TRIM44: variants seen among roughly 807,000 people sequenced by gnomAD.
TRIM44 encodes the protein tripartite motif containing 44.
Under a neutral mutation model 37.4 loss-of-function variants are expected in TRIM44, and 13 were observed. The observed-to-expected ratio is 0.35, with a 90% CI of 0.23 to 0.55. The LOEUF is 0.55. TRIM44 is among the 20% of genes least tolerant of loss of function. The probability of loss-of-function intolerance (pLI) is 0.89; values close to 1 mark genes in which losing one functional copy is unlikely to be tolerated. For missense variants in TRIM44, 426 were observed against 437.2 expected (o/e 0.97, Z 0.23); for synonymous variants, 175 against 157.2 (o/e 1.11, Z -0.85).
intron 2 of TRIM44, among the ~76,000 whole-genome samples, chr11:35,694,551 A>G (rs1460937564): frequency 6.6e-6 from 1 of 152,136 alleles, no homozygotes; most frequent in South Asian, 2.1e-4. Context: ...CCCCCTTTTC[A>G]TTTGTTTTGT....
chr11:35,770,818 C>A lies in TRIM44; in HGVS notation c.1007+35373C>A, dbSNP rs534079979. ...TGGGGGCAGTTTCCCCCATACTGTT[C>A]TTGTGGTAGCGAATAAGTCTCACGA... On this transcript the variant is annotated intron_variant, in intron 4 of 4. Coordinates refer to ENST00000299413, the MANE Select transcript of TRIM44 (RefSeq NM_017583.6). Among the ~76,000 whole-genome samples the A allele has an allele frequency of 3.3e-5, 5 of 152,244 alleles. No homozygotes were observed. In the East Asian group the frequency reaches 9.6e-4, roughly 29 times the overall value.
Position 35,663,246 on chromosome 11 carries a change from C to T in TRIM44, c.135C>T (p.Ala45=), listed in dbSNP as rs372673821. The change falls in exon 1 of 5, where the codon GCC becomes GCT. Residue 45 remains alanine (A), a synonymous_variant. Coordinates refer to ENST00000299413, the MANE Select transcript of TRIM44 (RefSeq NM_017583.6). ...GCTTCTGCTACTGCCGCCGCCATGC[C>T]GAGGCGCACAGGCAGAAGTTCCTCA... is the stretch of plus-strand genomic sequence containing the variant. The part of the protein sequence containing the change: ...ECGFCYCRRH[A]EAHRQKFLSH... 11 of 1,609,246 alleles carry T rather than the reference C, an allele frequency of 6.8e-6. No individual in the cohort carries two copies. Among genetic ancestry groups the T allele is most frequent in the Admixed American group, 3.3e-5 (2 of 59,826 alleles).
At chr11:35,673,108 T>A (rs908388438) in intron 1 of TRIM44, among the ~76,000 whole-genome samples, 1 of 152,250 alleles carries the variant, frequency 6.6e-6, no homozygotes, top group Non-Finnish European at 1.5e-5. Context: ...TGGAATTCAC[T>A]CTCTACAGTG....
intron 2 of TRIM44, among the ~76,000 whole-genome samples, chr11:35,694,864 T>C (rs1036984704): frequency 3.9e-5 from 6 of 152,034 alleles, no homozygotes; most frequent in Non-Finnish European, 5.9e-5. Context: ...GGGTTCTAGA[T>C]TGTGAAGGGG....
At position 35,663,354 on chromosome 11, in the gene TRIM44, G is replaced by A. The variant is rs1183606422; in HGVS notation, c.243G>A (p.Ala81=). ...ADGEGAGKEE[A]EVKVEQEREI... ...GAGAGGGGGCGGGGAAGGAAGAAGC[G>A]GAGGTCAAGGTGGAGCAGGAGAGGG... The change falls in exon 1 of 5, where the codon GCG becomes GCA. Residue 81 remains alanine, a synonymous_variant. Transcript: ENST00000299413. 7 of 1,613,622 alleles carry A rather than the reference G, an allele frequency of 4.3e-6. No homozygotes were observed. Among genetic ancestry groups the A allele is most frequent in the African/African-American group, 1.3e-5 (1 of 74,900 alleles).
chr11:35,711,265 A>C (rs565602404), intron 2 of TRIM44, among the ~76,000 whole-genome samples: 6 of 152,328 alleles, frequency 3.9e-5, no homozygotes, highest in Admixed American at 3.9e-4. Context: ...TCAACCATTC[A>C]CTTGAAGTGT....
chr11:35,775,187 C>G (rs1852939103), intron 4 of TRIM44, among the ~76,000 whole-genome samples: 2 of 152,168 alleles, frequency 1.3e-5, no homozygotes, highest in South Asian at 4.1e-4. Context: ...TCCCTCACAT[C>G]CCTTGTAAGT....
chr11:35,711,468 GT>G (rs11344545), intron 2 of TRIM44, among the ~76,000 whole-genome samples: 56,414 of 138,152 alleles, frequency 0.41, 11,307 homozygotes, highest in African/African-American at 0.52. Context: ...CAGATTTTTT[GT>G]TTTTTTTTTT....
intron 4 of TRIM44, among the ~76,000 whole-genome samples, chr11:35,773,818 T>C (rs1852910204): frequency 6.6e-6 from 1 of 152,244 alleles, no homozygotes; most frequent in Non-Finnish European, 1.5e-5. Context: ...TTTTTATGGC[T>C]GCATAGTATC....
At chr11:35,758,792 G>A (rs1157119974) in intron 4 of TRIM44, among the ~76,000 whole-genome samples, 10 of 152,300 alleles carry the variant, frequency 6.6e-5, no homozygotes, top group Non-Finnish European at 1.2e-4. Flanking sequence ...ATTCTGGGTT[G>A]AAAATTCTTT....
intron 4 of TRIM44, among the ~76,000 whole-genome samples, chr11:35,778,732 C>T (rs1853011548): frequency 6.6e-6 from 1 of 152,158 alleles, no homozygotes; most frequent in South Asian, 2.1e-4. Flanking sequence ...AGGTCCACTC[C>T]AGTCCCTGTT....
intron 2 of TRIM44, among the ~76,000 whole-genome samples, chr11:35,703,219 T>C (rs1564962736): frequency 6.6e-6 from 1 of 152,152 alleles, no homozygotes; most frequent in Non-Finnish European, 1.5e-5. Context: ...GTGCCCGCCA[T>C]TGCCCAGGCT....
intron 4 of TRIM44, among the ~76,000 whole-genome samples, chr11:35,786,476 C>A (rs1853132389): frequency 6.6e-6 from 1 of 152,172 alleles, no homozygotes; most frequent in South Asian, 2.1e-4. Context: ...ACACCACTTA[C>A]ACTACTACCA....
Position 35,663,764 on chromosome 11 carries a change from C to A in TRIM44, c.653C>A (p.Ala218Asp). The stretch of plus-strand genomic sequence containing the variant: ...CACCAACTCTCCACCCTAGACGAAG[C>A]CTTTGAAGAATTAAGAGTAAGTATT... ...QGHQLSTLDE[A>D]FEELRSKDSG... is the part of the protein sequence containing the mutation. Residue 218 changes from alanine to aspartate, a missense_variant, in exon 1 of 5, where the codon GCC becomes GAC. Physicochemically the swap from Ala to Asp is moderately radical, Grantham distance 126. Transcript: ENST00000299413. 6.2e-7 allele frequency: 1 copy of A among 1,613,570 alleles called. No individual in the cohort carries two copies. Among genetic ancestry groups the A allele is most frequent in the Non-Finnish European group, 8.5e-7 (1 of 1,179,832 alleles).
At chr11:35,765,983 TAAAAGC>T (rs1852794046) in intron 4 of TRIM44, among the ~76,000 whole-genome samples, 1 of 151,750 alleles carries the variant, frequency 6.6e-6, no homozygotes, top group African/African-American at 2.4e-5. Context: ...TAAGACCCAA[TAAAAGC>T]AAGTATTTCT....
chr11:35,755,836 A>G (rs1852630022), intron 4 of TRIM44, among the ~76,000 whole-genome samples: 1 of 152,056 alleles, frequency 6.6e-6, no homozygotes, highest in Non-Finnish European at 1.5e-5. Context: ...GTTATTTCTG[A>G]GGGTTCTGTT....
At chr11:35,786,849 C>A (rs1447656757) in intron 4 of TRIM44, among the ~76,000 whole-genome samples, 1 of 151,958 alleles carries the variant, frequency 6.6e-6, no homozygotes, top group Non-Finnish European at 1.5e-5. Flanking sequence ...ATACAGTGTT[C>A]TTCAGTTTCC....
At position 35,812,680 on chromosome 11, in the gene TRIM44, T is replaced by C. The variant is rs1853540981; in HGVS notation, c.*6295T>C. On this transcript the variant is annotated 3_prime_UTR_variant, in exon 5 of 5. Transcript: ENST00000299413. ...CTAGCTGCACTGATTCCATCTTGTATTGGTGAATAACAACACTGATCCCCC... is the reference window on the plus strand; with the variant it reads ...CTAGCTGCACTGATTCCATCTTGTACTGGTGAATAACAACACTGATCCCCC... 1 of 152,310 alleles carries C rather than the reference T, an allele frequency of 6.6e-6. No individual in the cohort carries two copies. The highest frequency in any genetic ancestry group is 6.5e-5 in the Admixed American group (1 of 15,282). The allele number at this position is 152,310 out of a possible 1,614,324, so 9.4% of individuals were successfully genotyped here.
intron 1 of TRIM44, among the ~76,000 whole-genome samples, chr11:35,671,158 T>G (rs1347480152): frequency 6.6e-6 from 1 of 152,222 alleles, no homozygotes; most frequent in Non-Finnish European, 1.5e-5. Flanking sequence ...AAGTCTGTAC[T>G]TCTGTCAGAG....
Sources: allele counts gnomAD v4.1 joint callset (sites outside exome capture counted in the v4.1 genomes callset), GRCh38; gene constraint gnomAD v4.1.1; transcripts MANE v1.5; gene names NCBI Gene and HGNC (gene_info 2026-07-23, HGNC 2026-07-21).